Variants in SKI observed in about 807,000 individuals in gnomAD.
The protein encoded by SKI is SKI proto-oncogene, also known as ski oncogene.
SKI carries 23 observed loss-of-function variants against 59.3 expected under a neutral mutation model. The ratio of observed to expected loss-of-function variants is 0.39; its 90% CI spans 0.28 to 0.55. The LOEUF (loss-of-function observed/expected upper bound fraction) is 0.55. Among genes scored for constraint, SKI ranks in the 20% least tolerant of loss-of-function variants. The probability of loss-of-function intolerance (pLI) is 0.67; values close to 1 mark genes in which losing one functional copy is unlikely to be tolerated. For synonymous variants in SKI, 673 were observed against 488.6 expected (o/e 1.38, Z -4.98); for missense variants, 1,017 against 1,038.9 (o/e 0.98, Z 0.29).
At chr1:2,245,865 C>T (rs369651394) in intron 1 of SKI, among the ~76,000 whole-genome samples, 11 of 133,930 alleles carry the variant, frequency 8.2e-5, no homozygotes, top group East Asian at 2.6e-4. Flanking sequence ...GGCACAGTCT[C>T]GGCTCACTGC....
intron 1 of SKI, among the ~76,000 whole-genome samples, chr1:2,256,263 C>T (rs940581171): frequency 6.6e-5 from 10 of 152,198 alleles, no homozygotes; most frequent in Non-Finnish European, 1.5e-4. Flanking sequence ...CATTTCCTGT[C>T]TGGAGCTCTC....
rs559794718 is a variant in SKI, at chr1:2,287,278, T to C, written c.970-15700T>C. Among the ~76,000 whole-genome samples, 8 of 151,608 alleles carry C rather than the reference T, an allele frequency of 5.3e-5. No homozygotes were observed. The South Asian group carries it at 1.7e-3, about 32-fold the overall frequency. On this transcript the variant is annotated intron_variant, in intron 1 of 6. Transcript: ENST00000378536. Reference sequence around the variant, plus strand: ...AATGCGTTTCTTTAGATTTTAAAGATGAGAGAGTGTTGGCCTTGGACAGGA... The same window carrying C: ...AATGCGTTTCTTTAGATTTTAAAGACGAGAGAGTGTTGGCCTTGGACAGGA...
At chr1:2,250,704 G>A (rs1393348986) in intron 1 of SKI, among the ~76,000 whole-genome samples, 1 of 152,268 alleles carries the variant, frequency 6.6e-6, no homozygotes, top group Non-Finnish European at 1.5e-5. Context: ...CGGTGACCAA[G>A]TCTGGGAAGC....
chr1:2,258,268 C>T (rs994020365), intron 1 of SKI, among the ~76,000 whole-genome samples: 20 of 152,178 alleles, frequency 1.3e-4, no homozygotes, highest in African/African-American at 3.4e-4. Context: ...CCCGTATGTT[C>T]GGTGTCTGCA....
rs1483118334 is a variant in SKI at position 2,228,784 on chromosome 1, C to T, written c.18C>T (p.Gly6=). Reference sequence around the variant, plus strand: ...AGCGCACCATGGAGGCGGCGGCAGGCGGCCGCGGCTGTTTCCAGCCGCACC... The same window carrying T: ...AGCGCACCATGGAGGCGGCGGCAGGTGGCCGCGGCTGTTTCCAGCCGCACC... The part of the protein sequence containing the change: MEAAA[G]GRGCFQPHPG... The change falls in exon 1 of 7, where the codon GGC becomes GGT. Residue 6 remains glycine, a synonymous_variant. Transcript: ENST00000378536. 4 of 1,296,202 alleles carry T rather than the reference C, an allele frequency of 3.1e-6. No individual in the cohort carries two copies. Among genetic ancestry groups the T allele is most frequent in the Admixed American group, 5.5e-5 (2 of 36,444 alleles). The allele number at this position is 1,296,202 out of a possible 1,614,324, so 80.3% of individuals were successfully genotyped here. A position where few individuals can be genotyped will look rare whatever the true frequency, so the allele number is the denominator to read the frequency against.
intron 1 of SKI, among the ~76,000 whole-genome samples, chr1:2,264,187 C>T (rs1284389521): frequency 6.6e-6 from 1 of 152,102 alleles, no homozygotes; most frequent in African/African-American, 2.4e-5. Context: ...GCCATTTCTC[C>T]CTTTGTTTCT....
chr1:2,254,041 T>C (rs2100827846), intron 1 of SKI, among the ~76,000 whole-genome samples: 1 of 152,360 alleles, frequency 6.6e-6, no homozygotes, highest in South Asian at 2.1e-4. Context: ...CCACGGATGC[T>C]TGTCCGGAGC....
At chr1:2,237,320 C>T (rs1349354529) in intron 1 of SKI, among the ~76,000 whole-genome samples, 1 of 152,216 alleles carries the variant, frequency 6.6e-6, no homozygotes, top group Non-Finnish European at 1.5e-5. Context: ...TCTGGAGTGG[C>T]TTAGGTGCTC....
At chr1:2,232,802 G>A (rs920145203) in intron 1 of SKI, 1 of 152,298 alleles carries the variant, frequency 6.6e-6, no homozygotes, top group Non-Finnish European at 1.5e-5. Context: ...TGTAAACTGG[G>A]GACTACTGTT....
intron 1 of SKI, among the ~76,000 whole-genome samples, chr1:2,286,910 C>T (rs1440303810): frequency 3.9e-5 from 6 of 152,236 alleles, no homozygotes; most frequent in African/African-American, 1.4e-4. Flanking sequence ...GAGAACTTTG[C>T]TTATAAAAGA....
intron 1 of SKI, among the ~76,000 whole-genome samples, chr1:2,247,823 G>A (rs929570113): frequency 6.6e-6 from 1 of 152,224 alleles, no homozygotes; most frequent in Non-Finnish European, 1.5e-5. Context: ...TCTGGCTCTC[G>A]GGAAGGGGCC....
chr1:2,254,633 T>C (rs575177073), intron 1 of SKI, among the ~76,000 whole-genome samples: 1 of 152,324 alleles, frequency 6.6e-6, no homozygotes, highest in South Asian at 2.1e-4. Context: ...CCACTATCTC[T>C]GGGGAGGGGT....
Position 2,229,005 on chromosome 1 carries a change from A to AGCC in SKI, c.249_251dup (p.Pro84dup), listed in dbSNP as rs746731483. 5.1e-6 allele frequency: 8 copies of AGCC among 1,571,570 alleles called. No homozygotes were observed. Among genetic ancestry groups the AGCC allele is most frequent in the Non-Finnish European group, 6.0e-6 (7 of 1,166,236 alleles). On this transcript the variant is annotated inframe_insertion, in exon 1 of 7. Coordinates refer to ENST00000378536, the MANE Select transcript of SKI (RefSeq NM_003036.4). This position sits in a 1 kb window ranked among gnomAD's most constrained non-coding sequence, Gnocchi z 6.3. ...CCCGTGCTGCACCTGCCCGCCATCC[A>AGCC]GCCGCCGCCGCCCGTGCTGCCCGGG...
At chr1:2,283,722 T>TA (rs1639967642) in intron 1 of SKI, among the ~76,000 whole-genome samples, 1 of 152,210 alleles carries the variant, frequency 6.6e-6, no homozygotes, top group Non-Finnish European at 1.5e-5. Context: ...CTGCTGCCCA[T>TA]GGCCCGGAAG....
At chr1:2,295,684 T>C (rs892981845) in intron 1 of SKI, among the ~76,000 whole-genome samples, 1 of 150,208 alleles carries the variant, frequency 6.7e-6, no homozygotes, top group Non-Finnish European at 1.5e-5. Flanking sequence ...TGTGTCCGGG[T>C]CACACGTGAC....
Position 2,274,615 on chromosome 1 carries a change from CAT to C in SKI, c.970-28362_970-28361del, listed in dbSNP as rs1394271466. Among the ~76,000 whole-genome samples, 4 of 152,258 alleles carry C rather than the reference CAT, an allele frequency of 2.6e-5. No individual in the cohort carries two copies. In the East Asian group the frequency reaches 5.8e-4, roughly 22 times the overall value. ...GCGGCACCTGGCCACGTCCCTCTAA[CAT>C]GTTTCTGGAAGTGGGATTCTAGGCT... On this transcript the variant is annotated intron_variant, in intron 1 of 6. Transcript: ENST00000378536.
intron 1 of SKI, among the ~76,000 whole-genome samples, chr1:2,288,041 T>C (rs1640082223): frequency 6.6e-6 from 1 of 151,986 alleles, no homozygotes; most frequent in Non-Finnish European, 1.5e-5. Context: ...CAGGCTGGAC[T>C]GCAATGGCAC....
chr1:2,253,763 G>T (rs1639216383), intron 1 of SKI, among the ~76,000 whole-genome samples: 1 of 152,228 alleles, frequency 6.6e-6, no homozygotes, highest in African/African-American at 2.4e-5. Context: ...CCCTGGTGCG[G>T]CCCTGGCTTG....
In SKI at chr1:2,267,495, G is replaced by A. The variant is rs1436655433; in HGVS notation, c.970-35483G>A. On this transcript the variant is annotated intron_variant, in intron 1 of 6. Transcript: ENST00000378536. This position sits in a 1 kb window ranked among gnomAD's most constrained non-coding sequence, Gnocchi z 4.1. ...CTCTTCCTGCTTCAATATCCCATTC[G>A]TTCCAGAGCCTCCTTTCAGGGTGGA... 2.0e-5 allele frequency among the ~76,000 whole-genome samples: 3 copies of A among 152,194 alleles called. No individual in the cohort carries two copies. The highest frequency in any genetic ancestry group is 3.9e-4 in the East Asian group (2 of 5,188).
Sources: allele counts gnomAD v4.1 joint callset (sites outside exome capture counted in the v4.1 genomes callset), GRCh38; gene constraint gnomAD v4.1.1; non-coding constraint Gnocchi (gnomAD v3.1); transcripts MANE v1.5; gene names NCBI Gene and HGNC (gene_info 2026-07-23, HGNC 2026-07-21).